The following MNAT1 variants were observed in gnomAD, a reference collection of about 807,000 sequenced individuals.
MNAT1 encodes MNAT1 component of CDK activating kinase, also known as CDK-activating kinase assembly factor MAT1.
MNAT1 carries 43 observed loss-of-function variants against 42.0 expected under a neutral mutation model. The observed-to-expected ratio is 1.02, with a 90% CI of 0.80 to 1.32. MNAT1 has a LOEUF of 1.32. Ranked by LOEUF, MNAT1 falls within the 40% of genes most tolerant of loss-of-function variation. The pLI, the probability that MNAT1 is intolerant of heterozygous loss-of-function variation, is 0.00. For synonymous variants in MNAT1, 118 were observed against 120.0 expected (o/e 0.98, Z 0.11); for missense variants, 306 against 350.4 (o/e 0.87, Z 1.01).
chr14:60,952,118 C>G (rs1474558274), intron 7 of MNAT1, among the ~76,000 whole-genome samples: 1 of 152,184 alleles, frequency 6.6e-6, no homozygotes, highest in Non-Finnish European at 1.5e-5. Flanking sequence ...TTTCAGCTTC[C>G]TACCTCTAAC....
chr14:60,805,942 A>G (rs2032354884), intron 3 of MNAT1, among the ~76,000 whole-genome samples: 1 of 152,196 alleles, frequency 6.6e-6, no homozygotes, highest in Admixed American at 6.5e-5. Context: ...TAGTTTTGTT[A>G]GAAACTAGGA....
chr14:60,791,602 A>G (rs2031820064), intron 1 of MNAT1, among the ~76,000 whole-genome samples: 1 of 152,328 alleles, frequency 6.6e-6, no homozygotes, highest in Non-Finnish European at 1.5e-5. Context: ...AATGTAACAC[A>G]TTCCTATTTT....
intron 7 of MNAT1, among the ~76,000 whole-genome samples, chr14:60,889,879 T>C (rs1386886427): frequency 6.6e-6 from 1 of 152,110 alleles, no homozygotes; most frequent in Non-Finnish European, 1.5e-5. Flanking sequence ...ATCAGAGAAA[T>C]GCAAATCAAA....
chr14:60,869,484 C>G (rs1197129183), intron 6 of MNAT1, among the ~76,000 whole-genome samples: 3 of 152,092 alleles, frequency 2.0e-5, no homozygotes, highest in African/African-American at 7.2e-5. Context: ...TCAAAACAGA[C>G]AATTACACAG....
At chr14:60,857,557 G>T (rs2033991443) in intron 6 of MNAT1, among the ~76,000 whole-genome samples, 1 of 152,122 alleles carries the variant, frequency 6.6e-6, no homozygotes, top group South Asian at 2.1e-4. Context: ...TATAAACTTA[G>T]TTGATAAAGC....
chr14:60,910,894 G>T (rs977731557), intron 7 of MNAT1, among the ~76,000 whole-genome samples: 4 of 152,166 alleles, frequency 2.6e-5, no homozygotes, highest in Non-Finnish European at 5.9e-5. Flanking sequence ...GTTTCAGAAG[G>T]AATGGTACCA....
chr14:60,936,863 T>A lies in MNAT1; in HGVS notation c.810-31366T>A, dbSNP rs545678511. Among the ~76,000 whole-genome samples, 484 of 152,280 alleles carry A rather than the reference T, an allele frequency of 3.2e-3. 5 individuals carry two copies. The highest frequency in any genetic ancestry group is 0.011 in the African/African-American group (464 of 41,550). Reference sequence around the variant, plus strand: ...ACCAACAGTGTAAAAGTGTTCCTATTTCTCCACATCCTCTCCAGCACCTGT... The same window carrying A: ...ACCAACAGTGTAAAAGTGTTCCTATATCTCCACATCCTCTCCAGCACCTGT... On this transcript the variant is annotated intron_variant, in intron 7 of 7. Coordinates refer to ENST00000261245, the MANE Select transcript of MNAT1 (RefSeq NM_002431.4).
intron 1 of MNAT1, among the ~76,000 whole-genome samples, chr14:60,765,817 T>C (rs1358997401): frequency 6.6e-6 from 1 of 152,198 alleles, no homozygotes; most frequent in East Asian, 1.9e-4. Flanking sequence ...ATTTGTCATA[T>C]GGTTGTGACT....
chr14:60,948,317 G>C (rs2139600676), intron 7 of MNAT1, among the ~76,000 whole-genome samples: 1 of 152,192 alleles, frequency 6.6e-6, no homozygotes, highest in Non-Finnish European at 1.5e-5. Context: ...TGTAGTCCCA[G>C]CTCCTCAGGA....
chr14:60,950,483 T>A (rs1395898212), intron 7 of MNAT1, among the ~76,000 whole-genome samples: 1 of 152,230 alleles, frequency 6.6e-6, no homozygotes, highest in Admixed American at 6.5e-5. Context: ...CAGTGACTGA[T>A]ATATACTCTA....
At chr14:60,776,850 G>T (rs1305260926) in intron 1 of MNAT1, among the ~76,000 whole-genome samples, 2 of 151,758 alleles carry the variant, frequency 1.3e-5, no homozygotes, top group African/African-American at 4.8e-5. Context: ...TGTTTGTTTT[G>T]GTTTTTGTTT....
intron 1 of MNAT1, among the ~76,000 whole-genome samples, chr14:60,741,689 G>A (rs1003411187): frequency 1.3e-4 from 2 of 15,426 alleles, no homozygotes; most frequent in Non-Finnish European, 3.6e-4. Flanking sequence ...TTAATTTTTA[G>A]TAGAGATGGG....
At chr14:60,745,967 A>C (rs1896600765) in intron 1 of MNAT1, among the ~76,000 whole-genome samples, 1 of 151,664 alleles carries the variant, frequency 6.6e-6, no homozygotes, top group African/African-American at 2.4e-5. Flanking sequence ...GAAGATCTCA[A>C]GATTCTTCTG....
intron 7 of MNAT1, among the ~76,000 whole-genome samples, chr14:60,946,430 G>T (rs952374132): frequency 5.9e-5 from 9 of 151,950 alleles, no homozygotes; most frequent in Admixed American, 4.6e-4. Context: ...GGTAACTTGC[G>T]GTCCTTTTCT....
intron 7 of MNAT1, among the ~76,000 whole-genome samples, chr14:60,959,069 T>C (rs1420521044): frequency 2.0e-5 from 3 of 152,144 alleles, no homozygotes; most frequent in Non-Finnish European, 1.5e-5. Flanking sequence ...CAGGCACACG[T>C]CACCACTTAG....
intron 6 of MNAT1, among the ~76,000 whole-genome samples, chr14:60,839,998 T>A (rs915695512): frequency 6.6e-6 from 1 of 152,206 alleles, no homozygotes; most frequent in Non-Finnish European, 1.5e-5. Flanking sequence ...CAAGAAAACT[T>A]GCACAAAAGG....
intron 7 of MNAT1, among the ~76,000 whole-genome samples, chr14:60,954,298 C>A (rs1052880094): frequency 6.6e-6 from 1 of 152,154 alleles, no homozygotes; most frequent in Non-Finnish European, 1.5e-5. Context: ...ATCATTGAAT[C>A]TGTTGATCAC....
chr14:60,948,848 G>C (rs549809727), intron 7 of MNAT1, among the ~76,000 whole-genome samples: 23 of 152,060 alleles, frequency 1.5e-4, no homozygotes, highest in African/African-American at 5.3e-4. Context: ...CATTTTATCT[G>C]TTAAAGAAAC....
intron 7 of MNAT1, among the ~76,000 whole-genome samples, chr14:60,959,529 A>ATAC (rs67724383): frequency 0.92 from 139,484 of 152,054 alleles, 64,525 homozygotes; most frequent in Non-Finnish European, 0.99. Context: ...CATGCCAGTG[A>ATAC]TTACAAACTT....
Sources: gnomAD v4.1 joint callset for allele counts (sites outside exome capture counted in the v4.1 genomes callset) on GRCh38, gnomAD v4.1.1 for gene constraint, MANE v1.5 for transcripts, NCBI Gene and HGNC (gene_info 2026-07-23, HGNC 2026-07-21) for gene names.